RPS6KC1: variants seen among roughly 807,000 people sequenced by gnomAD.
RPS6KC1 encodes inactive ribosomal protein S6 kinase delta-1.
Under a neutral mutation model 103.8 loss-of-function variants are expected in RPS6KC1, and 54 were observed. That is an observed-to-expected ratio of 0.52 (90% confidence interval 0.42 to 0.65). The LOEUF is 0.65. Among genes scored for constraint, RPS6KC1 ranks in the 30% least tolerant of loss-of-function variants. RPS6KC1 has a pLI of 0.00. For missense variants in RPS6KC1, 1,151 were observed against 1,253.8 expected (o/e 0.92, Z 1.24); for synonymous variants, 439 against 438.7 (o/e 1.00, Z -0.01).
At chr1:213,307,069 T>G in the RPS6KC1 span, among the ~76,000 whole-genome samples, 1 of 150,246 alleles carries the variant, frequency 6.7e-6, no homozygotes, top group African/African-American at 2.5e-5. Flanking sequence ...GGTTTTTTTT[T>G]TTTTTTTTTT....
intron 8 of RPS6KC1, among the ~76,000 whole-genome samples, chr1:213,204,437 G>A (rs2093275027): frequency 6.6e-6 from 1 of 151,682 alleles, no homozygotes; most frequent in Non-Finnish European, 1.5e-5. Flanking sequence ...TTTATTTGTA[G>A]TACAATAAAG....
chr1:213,535,840 A>T, the RPS6KC1 span, among the ~76,000 whole-genome samples: 2 of 152,066 alleles, frequency 1.3e-5, no homozygotes, highest in African/African-American at 4.8e-5. Flanking sequence ...GTTGGCTAGG[A>T]TCAGGTCACA....
chr1:213,749,753 T>G, the RPS6KC1 span, among the ~76,000 whole-genome samples: 2 of 152,180 alleles, frequency 1.3e-5, no homozygotes, highest in Non-Finnish European at 2.9e-5. Flanking sequence ...ACTGCCACCT[T>G]TTCTATTCAG....
At chr1:213,182,429 T>G (rs1007661307) in intron 8 of RPS6KC1, among the ~76,000 whole-genome samples, 1 of 152,026 alleles carries the variant, frequency 6.6e-6, no homozygotes, top group Admixed American at 6.6e-5. Flanking sequence ...AGGCAAAGGT[T>G]ATAGTGAAAT....
At chr1:213,158,305 A>T (rs541608737) in intron 6 of RPS6KC1, among the ~76,000 whole-genome samples, 2 of 152,176 alleles carry the variant, frequency 1.3e-5, no homozygotes, top group African/African-American at 2.4e-5. Flanking sequence ...GGTAAGATCT[A>T]TCTTGTTCTC....
chr1:213,476,378 G>A, the RPS6KC1 span, among the ~76,000 whole-genome samples: 13 of 152,232 alleles, frequency 8.5e-5, no homozygotes, highest in Admixed American at 6.5e-4. Flanking sequence ...GATTTAGTGA[G>A]GAGTTAAAGT....
downstream of RPS6KC1, among the ~76,000 whole-genome samples, chr1:213,277,703 A>T (rs1332935351): frequency 1.3e-5 from 2 of 152,250 alleles, no homozygotes; most frequent in African/African-American, 4.8e-5. Flanking sequence ...TGCTAAAGAC[A>T]GCTGGTACAA....
chr1:213,837,735 C>T, the RPS6KC1 span, among the ~76,000 whole-genome samples: 1 of 152,150 alleles, frequency 6.6e-6, no homozygotes, highest in Non-Finnish European at 1.5e-5. Context: ...ACTATGTTAA[C>T]TTTTACCTCT....
At chr1:213,286,662 A>G in the RPS6KC1 span, among the ~76,000 whole-genome samples, 1 of 152,244 alleles carries the variant, frequency 6.6e-6, no homozygotes, top group African/African-American at 2.4e-5. Context: ...GAGTGTCTTT[A>G]TAAAACTATT....
At chr1:213,742,382 A>G in the RPS6KC1 span, among the ~76,000 whole-genome samples, 1 of 152,250 alleles carries the variant, frequency 6.6e-6, no homozygotes, top group East Asian at 1.9e-4. Context: ...ATCTTTCTTC[A>G]AAGACTATTT....
chr1:213,805,435 C>T, the RPS6KC1 span, among the ~76,000 whole-genome samples: 1 of 152,194 alleles, frequency 6.6e-6, no homozygotes, highest in East Asian at 1.9e-4. Flanking sequence ...GTGTTTACGG[C>T]ATCTTCACCA....
the RPS6KC1 span, among the ~76,000 whole-genome samples, chr1:213,433,958 T>G: frequency 6.6e-6 from 1 of 152,154 alleles, no homozygotes; most frequent in African/African-American, 2.4e-5. Context: ...TTTGAGAAAG[T>G]CCAATTTATA....
chr1:213,171,220 C>T (rs1377027557), intron 7 of RPS6KC1, among the ~76,000 whole-genome samples: 2 of 151,986 alleles, frequency 1.3e-5, no homozygotes, highest in Non-Finnish European at 2.9e-5. Context: ...AAAGCACTCT[C>T]TTACTCTTTT....
intron 14 of RPS6KC1, among the ~76,000 whole-genome samples, chr1:213,271,173 G>A (rs1314947988): frequency 6.6e-6 from 1 of 152,182 alleles, no homozygotes; most frequent in Non-Finnish European, 1.5e-5. Context: ...AAACTGGAAA[G>A]TCTAAGTATC....
At chr1:213,487,264 C>T in the RPS6KC1 span, among the ~76,000 whole-genome samples, 2 of 152,098 alleles carry the variant, frequency 1.3e-5, no homozygotes, top group Non-Finnish European at 2.9e-5. Flanking sequence ...GGTGTGGTGG[C>T]CCACGTTGGT....
chr1:213,815,733 G>A, the RPS6KC1 span, among the ~76,000 whole-genome samples: 1 of 152,302 alleles, frequency 6.6e-6, no homozygotes, highest in East Asian at 1.9e-4. Flanking sequence ...GCAAAAGGCT[G>A]TTTTGCTTTC....
the RPS6KC1 span, among the ~76,000 whole-genome samples, chr1:213,455,290 G>A: frequency 6.6e-6 from 1 of 152,086 alleles, no homozygotes; most frequent in African/African-American, 2.4e-5. Flanking sequence ...GAAATTCATA[G>A]TGGAAATAGG....
At chr1:213,730,138 G>A in the RPS6KC1 span, among the ~76,000 whole-genome samples, 1 of 152,146 alleles carries the variant, frequency 6.6e-6, no homozygotes, top group Non-Finnish European at 1.5e-5. Context: ...ATTCCATGGT[G>A]TATATGTACC....
intron 6 of RPS6KC1, among the ~76,000 whole-genome samples, chr1:213,154,414 T>C (rs968236818): frequency 6.6e-6 from 1 of 152,182 alleles, no homozygotes; most frequent in African/African-American, 2.4e-5. Context: ...TCAAAAACCT[T>C]AGAAGTCTAC....
Sources: gnomAD v4.1 joint callset for allele counts (sites outside exome capture counted in the v4.1 genomes callset) on GRCh38, gnomAD v4.1.1 for gene constraint, MANE v1.5 for transcripts, NCBI Gene and HGNC (gene_info 2026-07-23, HGNC 2026-07-21) for gene names.